Variants in GABRB1 observed in about 807,000 individuals in gnomAD.
The protein encoded by GABRB1 is gamma-aminobutyric acid type A receptor subunit beta1.
A neutral mutation model predicts 51.6 loss-of-function variants in GABRB1; 17 were observed. That is an observed-to-expected ratio of 0.33 (90% CI 0.23 to 0.49). The LOEUF (loss-of-function observed/expected upper bound fraction) is 0.49. GABRB1 is among the 20% of genes least tolerant of loss of function. The pLI is 0.99. For synonymous variants in GABRB1, 247 were observed against 218.9 expected, an observed-to-expected ratio of 1.13 and a Z score of -1.14; for missense variants, 410 against 600.6, an observed-to-expected ratio of 0.68 and a Z score of 3.32.
At chr4:47,331,369 T>A (rs1020688925) in intron 5 of GABRB1, among the ~76,000 whole-genome samples, 2 of 152,162 alleles carry the variant, frequency 1.3e-5, no homozygotes, top group African/African-American at 4.8e-5. Context: ...AGTGGGGGAA[T>A]GGAGTTCCTT....
chr4:47,381,611 G>A (rs1727601203), intron 5 of GABRB1, among the ~76,000 whole-genome samples: 1 of 152,138 alleles, frequency 6.6e-6, no homozygotes, highest in Non-Finnish European at 1.5e-5. Flanking sequence ...TTCCCTACAA[G>A]GCTTGCTTCT....
chr4:47,210,065 T>A lies in GABRB1; in HGVS notation c.461+48596T>A, dbSNP rs148752822. ...TTCACTGCTTATTCCAGTTCCAAAGTGCTCTCTGTTTTCCTTACCCACTTG... is the reference window on the plus strand; with the variant it reads ...TTCACTGCTTATTCCAGTTCCAAAGAGCTCTCTGTTTTCCTTACCCACTTG... On this transcript the variant is annotated intron_variant, in intron 4 of 8. Coordinates refer to ENST00000295454, the MANE Select transcript of GABRB1 (RefSeq NM_000812.4). Among the ~76,000 whole-genome samples the A allele has an allele frequency of 2.2e-3, 340 of 152,234 alleles. 2 individuals carry two copies. Among genetic ancestry groups the A allele is most frequent in the African/African-American group, 7.2e-3 (301 of 41,546 alleles).
At chr4:47,065,647 A>G (rs1304990037) in intron 3 of GABRB1, among the ~76,000 whole-genome samples, 1 of 152,256 alleles carries the variant, frequency 6.6e-6, no homozygotes, top group Non-Finnish European at 1.5e-5. Flanking sequence ...CACTGGGTGT[A>G]ATATAAACTT....
chr4:47,420,362 G>C (rs1729054731), intron 8 of GABRB1, among the ~76,000 whole-genome samples: 1 of 152,164 alleles, frequency 6.6e-6, no homozygotes, highest in South Asian at 2.1e-4. Flanking sequence ...GGGACTTGGA[G>C]TGGGAATTCT....
chr4:47,136,628 G>A (rs1180369724), intron 3 of GABRB1, among the ~76,000 whole-genome samples: 1 of 151,862 alleles, frequency 6.6e-6, no homozygotes, highest in African/African-American at 2.4e-5. Flanking sequence ...CAAACTCTAG[G>A]GAAATAAAAA....
intron 3 of GABRB1, among the ~76,000 whole-genome samples, chr4:47,108,011 A>G (rs1715042921): frequency 6.6e-6 from 1 of 152,062 alleles, no homozygotes; most frequent in African/African-American, 2.4e-5. Context: ...GGAACCAGTA[A>G]TTGTGTTCAT....
intron 3 of GABRB1, among the ~76,000 whole-genome samples, chr4:47,078,951 A>G (rs1406225055): frequency 6.6e-6 from 1 of 152,208 alleles, no homozygotes; most frequent in East Asian, 1.9e-4. Flanking sequence ...ATTGCATCCC[A>G]GGGATGAAGC....
chr4:47,279,423 A>C (rs1723197289), intron 4 of GABRB1, among the ~76,000 whole-genome samples: 1 of 152,154 alleles, frequency 6.6e-6, no homozygotes, highest in Non-Finnish European at 1.5e-5. Flanking sequence ...CTTCATGAAA[A>C]TTTTGCTTAA....
intron 4 of GABRB1, among the ~76,000 whole-genome samples, chr4:47,203,104 A>G (rs546870975): frequency 2.0e-5 from 3 of 152,170 alleles, no homozygotes; most frequent in Non-Finnish European, 4.4e-5. Flanking sequence ...GTATGTCAGC[A>G]CACAGTCACT....
chr4:47,302,601 G>A (rs1560323736), intron 4 of GABRB1, among the ~76,000 whole-genome samples: 1 of 151,890 alleles, frequency 6.6e-6, no homozygotes, highest in Non-Finnish European at 1.5e-5. Flanking sequence ...GGCTTTATGT[G>A]TTTATTGTAC....
chr4:47,153,716 T>G (rs765722298), intron 3 of GABRB1, among the ~76,000 whole-genome samples: 30 of 152,052 alleles, frequency 2.0e-4, no homozygotes, highest in Non-Finnish European at 4.0e-4. Context: ...CAGTGTAGCA[T>G]CACAACTACA....
intron 4 of GABRB1, among the ~76,000 whole-genome samples, chr4:47,170,277 C>CA (rs11447292): frequency 0.87 from 131,562 of 151,994 alleles, 56,970 homozygotes; most frequent in Middle Eastern, 0.92. Flanking sequence ...AAAAGAAAGA[C>CA]GAGTTTTTCA....
chr4:47,211,306 T>A (rs1720347722), intron 4 of GABRB1, among the ~76,000 whole-genome samples: 1 of 152,196 alleles, frequency 6.6e-6, no homozygotes, highest in Non-Finnish European at 1.5e-5. Context: ...CATTTTCAAC[T>A]AAGAGATCTT....
At chr4:47,101,821 T>C (rs1714736778) in intron 3 of GABRB1, among the ~76,000 whole-genome samples, 1 of 151,984 alleles carries the variant, frequency 6.6e-6, no homozygotes, top group Admixed American at 6.6e-5. Context: ...GGTTTTATAT[T>C]CTGATTTTGA....
At chr4:47,282,100 A>G (rs1280505036) in intron 4 of GABRB1, among the ~76,000 whole-genome samples, 1 of 152,088 alleles carries the variant, frequency 6.6e-6, no homozygotes, top group Non-Finnish European at 1.5e-5. Flanking sequence ...TAATTGATTG[A>G]CTCTTTCTAT....
intron 3 of GABRB1, among the ~76,000 whole-genome samples, chr4:47,108,561 G>T (rs1410839136): frequency 6.6e-6 from 1 of 151,920 alleles, no homozygotes; most frequent in African/African-American, 2.4e-5. Flanking sequence ...CAAAGAGAAA[G>T]CTAAGGGAAT....
intron 1 of GABRB1, among the ~76,000 whole-genome samples, chr4:47,019,156 T>C (rs1724835413): frequency 6.6e-6 from 1 of 152,136 alleles, no homozygotes; most frequent in Non-Finnish European, 1.5e-5. Flanking sequence ...TGACTAATGG[T>C]AACTTCCTTA....
chr4:47,294,474 G>C (rs1578070623), intron 4 of GABRB1, among the ~76,000 whole-genome samples: 1 of 152,252 alleles, frequency 6.6e-6, no homozygotes, highest in South Asian at 2.1e-4. Context: ...GTGGCTCGGA[G>C]GGTCCTACGC....
intron 3 of GABRB1, among the ~76,000 whole-genome samples, chr4:47,093,115 T>C (rs1221230998): frequency 6.6e-6 from 1 of 152,164 alleles, no homozygotes; most frequent in Non-Finnish European, 1.5e-5. Context: ...CTGGAGAAAA[T>C]TTCCCTAAAA....
Sources: allele counts gnomAD v4.1 joint callset (sites outside exome capture counted in the v4.1 genomes callset), GRCh38; gene constraint gnomAD v4.1.1; transcripts MANE v1.5; gene names NCBI Gene and HGNC (gene_info 2026-07-23, HGNC 2026-07-21).